Variants in MARK2 observed in about 807,000 individuals in gnomAD.
The protein encoded by MARK2 is microtubule affinity regulating kinase 2, also known as serine/threonine-protein kinase MARK2.
Under a neutral mutation model 89.8 loss-of-function variants are expected in MARK2, and 16 were observed. The observed-to-expected ratio is 0.18, with a 90% CI of 0.12 to 0.27. The LOEUF is 0.27. Ranked by LOEUF, MARK2 falls within the 10% of genes least tolerant of loss-of-function variation. MARK2 has a pLI of 1.00. For synonymous variants in MARK2, 382 were observed against 399.5 expected (o/e 0.96, Z 0.52); for missense variants, 621 against 1,049.9 (o/e 0.59, Z 5.65).
At chr11:63,862,704 C>T (rs887238905) in intron 1 of MARK2, among the ~76,000 whole-genome samples, 1 of 152,160 alleles carries the variant, frequency 6.6e-6, no homozygotes, top group South Asian at 2.1e-4. Flanking sequence ...TCAAGAACCC[C>T]TTTAGAAAAA....
intron 1 of MARK2, among the ~76,000 whole-genome samples, chr11:63,882,400 G>A (rs1337169607): frequency 7.9e-5 from 12 of 151,954 alleles, no homozygotes; most frequent in Admixed American, 2.0e-4. Flanking sequence ...CCTGACCAAC[G>A]TGGAGAAACC....
At chr11:63,872,771 T>A (rs1938528547) in intron 1 of MARK2, among the ~76,000 whole-genome samples, 1 of 152,166 alleles carries the variant, frequency 6.6e-6, no homozygotes, top group African/African-American at 2.4e-5. Context: ...GCCCAGAGAT[T>A]GGAGCTCCTG....
In MARK2 at chr11:63,902,083, T is replaced by A. The variant is rs1199833643; in HGVS notation, c.1102-115T>A. ...ATTGGTCTTACAAGTGGATGTCCGGTATGATCCTGGGGTGTTTGAGTGTTG... is the reference window on the plus strand; with the variant it reads ...ATTGGTCTTACAAGTGGATGTCCGGAATGATCCTGGGGTGTTTGAGTGTTG... On this transcript the variant is annotated intron_variant, in intron 11 of 18. Coordinates refer to ENST00000402010, the MANE Select transcript of MARK2 (RefSeq NM_001039469.3). This position sits in a 1 kb window ranked among gnomAD's most constrained non-coding sequence, Gnocchi z 4.2. 2 of 1,136,474 alleles carry A rather than the reference T, an allele frequency of 1.8e-6. No individual in the cohort carries two copies. Among genetic ancestry groups the A allele is most frequent in the East Asian group, 2.5e-5 (1 of 39,424 alleles). The allele number at this position is 1,136,474 out of a possible 1,614,324, so 70.4% of individuals were successfully genotyped here. A position where few individuals can be genotyped will look rare whatever the true frequency, so the allele number is the denominator to read the frequency against.
chr11:63,843,356 G>C (rs1279015507), intron 1 of MARK2, among the ~76,000 whole-genome samples: 1 of 152,222 alleles, frequency 6.6e-6, no homozygotes, highest in East Asian at 1.9e-4. Flanking sequence ...CTCCATCTGG[G>C]ACCTGCCCCA....
intron 17 of MARK2, among the ~76,000 whole-genome samples, chr11:63,906,410 G>A (rs753471590): frequency 2.6e-5 from 4 of 152,142 alleles, no homozygotes; most frequent in East Asian, 1.9e-4. Context: ...CACAGTTAAC[G>A]CCTGTCCTCA....
chr11:63,851,628 T>C (rs75177605), intron 1 of MARK2, among the ~76,000 whole-genome samples: 3,270 of 152,254 alleles, frequency 0.021, 126 homozygotes, highest in African/African-American at 0.074. Flanking sequence ...TTCTGTGCCC[T>C]GTTTATGGCA....
chr11:63,855,310 G>A (rs1288971917), intron 1 of MARK2, among the ~76,000 whole-genome samples: 1 of 152,152 alleles, frequency 6.6e-6, no homozygotes, highest in Non-Finnish European at 1.5e-5. Context: ...CTTGAGGTCA[G>A]AAGTTCAAGA....
At chr11:63,889,994 A>G (rs1482660880) in intron 1 of MARK2, among the ~76,000 whole-genome samples, 4 of 152,196 alleles carry the variant, frequency 2.6e-5, no homozygotes, top group Non-Finnish European at 5.9e-5. Flanking sequence ...GCTAATCCTC[A>G]GCCTGCCATC....
Position 63,909,498 on chromosome 11 carries a change from A to AT in MARK2, c.*262dup. 8.2e-6 allele frequency: 3 copies of AT among 363,812 alleles called. No homozygotes were observed. The highest frequency in any genetic ancestry group is 9.9e-6 in the Non-Finnish European group (2 of 202,226). The allele number at this position is 363,812 out of a possible 1,614,324, so 22.5% of individuals were successfully genotyped here. A position where few individuals can be genotyped will look rare whatever the true frequency, so the allele number is the denominator to read the frequency against. On this transcript the variant is annotated 3_prime_UTR_variant, in exon 19 of 19. Transcript: ENST00000402010. ...TGGAGGCAAAGGAAGGGGAGGGTGG[A>AT]TGGGGGGGCAGGGCTCCCCCTCGGT... is the stretch of plus-strand genomic sequence containing the variant.
At chr11:63,851,026 G>T (rs1301573240) in intron 1 of MARK2, among the ~76,000 whole-genome samples, 1 of 152,132 alleles carries the variant, frequency 6.6e-6, no homozygotes, top group Non-Finnish European at 1.5e-5. Context: ...AGACCACGTG[G>T]GAACTCAGCA....
chr11:63,850,209 C>T (rs982759587), intron 1 of MARK2, among the ~76,000 whole-genome samples: 1 of 151,986 alleles, frequency 6.6e-6, no homozygotes, highest in Non-Finnish European at 1.5e-5. Context: ...AGTGCAGTAG[C>T]ACCATCTTGG....
chr11:63,866,222 T>A (rs1202150378), intron 1 of MARK2, among the ~76,000 whole-genome samples: 1 of 151,936 alleles, frequency 6.6e-6, no homozygotes, highest in East Asian at 1.9e-4. Flanking sequence ...CGTGGTGGTG[T>A]GCATCTGTAA....
intron 1 of MARK2, among the ~76,000 whole-genome samples, chr11:63,893,413 C>T (rs1237162655): frequency 7.2e-5 from 11 of 152,036 alleles, no homozygotes; most frequent in African/African-American, 1.9e-4. Context: ...CAATATTCCC[C>T]GGTAAGGATA....
rs182171545 is a variant in MARK2, at chr11:63,864,443, G to A, written c.54+24883G>A. Among the ~76,000 whole-genome samples the A allele has an allele frequency of 3.3e-3, 505 of 151,550 alleles. 9 individuals carry two copies. Among genetic ancestry groups the A allele is most frequent in the African/African-American group, 0.011 (474 of 41,300 alleles). On this transcript the variant is annotated intron_variant, in intron 1 of 18. Coordinates refer to ENST00000402010, the MANE Select transcript of MARK2 (RefSeq NM_001039469.3). ...TTTTTTTTGTATTTTTAGTAGATAC[G>A]GGGTTTCTCTGTATTGGTCAGGCTA...
chr11:63,870,256 G>A lies in MARK2; in HGVS notation c.55-24903G>A, dbSNP rs138171903. On this transcript the variant is annotated intron_variant, in intron 1 of 18. Coordinates refer to ENST00000402010, the MANE Select transcript of MARK2 (RefSeq NM_001039469.3). ...GATTTATTTTGTATTTTGTATTTTT[G>A]TGGAGACAGGGTCTTACAATATTGC... Among the ~76,000 whole-genome samples, 216 of 152,290 alleles carry A rather than the reference G, an allele frequency of 1.4e-3. 1 individual carries two copies. Among genetic ancestry groups the A allele is most frequent in the African/African-American group, 4.9e-3 (203 of 41,562 alleles).
chr11:63,840,691 C>T (rs150994101), intron 1 of MARK2, among the ~76,000 whole-genome samples: 52 of 152,294 alleles, frequency 3.4e-4, no homozygotes, highest in Middle Eastern at 3.4e-3. Context: ...CTTTCATCTC[C>T]GCATTAGTCT....
chr11:63,898,349 C>T (rs1940588012), intron 4 of MARK2, 69 bp downstream of exon 4: 7 of 1,461,090 alleles, frequency 4.8e-6, no homozygotes, highest in Non-Finnish European at 5.8e-6. Context: ...ATGTCATCTT[C>T]TCCCCGAGGT....
intron 3 of MARK2, among the ~76,000 whole-genome samples, chr11:63,896,389 C>T (rs1412864150): frequency 3.3e-5 from 5 of 152,246 alleles, no homozygotes; most frequent in African/African-American, 4.8e-5. Context: ...GGGAACCTGC[C>T]GGTGGGTTCT....
At chr11:63,845,967 C>T (rs2016258034) in intron 1 of MARK2, among the ~76,000 whole-genome samples, 1 of 151,904 alleles carries the variant, frequency 6.6e-6, no homozygotes, top group Admixed American at 6.6e-5. Flanking sequence ...AAGTGATCCG[C>T]CTGCCGTGGC....
Sources: allele counts gnomAD v4.1 joint callset (sites outside exome capture counted in the v4.1 genomes callset), GRCh38; gene constraint gnomAD v4.1.1; non-coding constraint Gnocchi (gnomAD v3.1); transcripts MANE v1.5; gene names NCBI Gene and HGNC (gene_info 2026-07-23, HGNC 2026-07-21).